CSPP1: variants seen among roughly 807,000 people sequenced by gnomAD.
CSPP1 encodes the protein centrosome and spindle pole-associated protein 1.
A neutral mutation model predicts 164.4 loss-of-function variants in CSPP1; 126 were observed. The ratio of observed to expected loss-of-function variants is 0.77; its 90% CI spans 0.66 to 0.89. The LOEUF is 0.89. Ranked by LOEUF, CSPP1 falls within the 40% of genes least tolerant of loss-of-function variation. The pLI is 0.00. For missense variants in CSPP1, 1,395 were observed against 1,449.8 expected (o/e 0.96, Z 0.61); for synonymous variants, 472 against 476.7 (o/e 0.99, Z 0.13).
At chr8:67,069,327 C>T (rs1806232186) in intron 1 of CSPP1, 1 of 151,942 alleles carries the variant, frequency 6.6e-6, no homozygotes, top group Non-Finnish European at 1.5e-5. Context: ...ACTTATATCT[C>T]GGATAAATCT....
chr8:67,129,516 T>C (rs1270660884), intron 15 of CSPP1, among the ~76,000 whole-genome samples: 1 of 152,096 alleles, frequency 6.6e-6, no homozygotes, highest in Non-Finnish European at 1.5e-5. Flanking sequence ...AAGCATGTAA[T>C]CAAAAGAAAT....
chr8:67,175,695 A>G, intron 26 of CSPP1: 3 of 572,352 alleles, frequency 5.2e-6, no homozygotes, highest in South Asian at 3.3e-5. Flanking sequence ...TACTTTGACC[A>G]GGCCAGGTGA....
In CSPP1 at chr8:67,113,907, G is replaced by A. The variant is rs746440766; in HGVS notation, c.1245+45G>A. 32 of 1,210,932 alleles carry A rather than the reference G, an allele frequency of 2.6e-5. No homozygotes were observed. The East Asian group carries it at 7.6e-4, about 29-fold the overall frequency. 75.0% of individuals were successfully genotyped at this position (1,210,932 alleles called of 1,614,324 possible). On this transcript the variant is annotated intron_variant, in intron 11 of 30. Transcript: ENST00000678616. ...TTTAATGTTTAATCTTTCATCAAAT[G>A]ATCCTCAAATGTGGTGGCAGGTGGG...
intron 28 of CSPP1, among the ~76,000 whole-genome samples, chr8:67,181,238 A>C (rs10105172): frequency 6.8e-6 from 1 of 148,098 alleles, no homozygotes; most frequent in African/African-American, 2.5e-5. Context: ...AGGTCTCCCT[A>C]TGTTGCCCAG....
At chr8:67,128,043 G>T (rs1212332215) in intron 15 of CSPP1, among the ~76,000 whole-genome samples, 1 of 152,106 alleles carries the variant, frequency 6.6e-6, no homozygotes, top group Non-Finnish European at 1.5e-5. Flanking sequence ...TGAGAGGATG[G>T]TAAAGATTTT....
chr8:67,144,865 G>A (rs140212648), intron 17 of CSPP1, among the ~76,000 whole-genome samples: 2,848 of 151,054 alleles, frequency 0.019, 48 homozygotes, highest in African/African-American at 0.046. Flanking sequence ...TCAAGAGATC[G>A]AGACCATTTT....
chr8:67,089,123 T>C (rs1811093339), intron 4 of CSPP1, among the ~76,000 whole-genome samples: 1 of 152,080 alleles, frequency 6.6e-6, no homozygotes, highest in South Asian at 2.1e-4. Flanking sequence ...TTGGATTGCA[T>C]GGATATTTGA....
chr8:67,082,524 TG>T lies in CSPP1; in HGVS notation c.200-3482del, dbSNP rs1809425550. Among the ~76,000 whole-genome samples the T allele has an allele frequency of 2.0e-5, 3 of 152,206 alleles. No individual in the cohort carries two copies. In the South Asian group the frequency reaches 6.2e-4, roughly 31 times the overall value. On this transcript the variant is annotated intron_variant, in intron 3 of 30. Transcript: ENST00000678616. Reference sequence around the variant, plus strand: ...GTCTCCTCAATTAGTCACATCTCCTTGTAAGTCACCCATTGTGTAAAGGCCT... The same window carrying T: ...GTCTCCTCAATTAGTCACATCTCCTTTAAGTCACCCATTGTGTAAAGGCCT...
At chr8:67,160,038 T>TTTTCTTTTCTTTC (rs1828003637) in intron 21 of CSPP1, among the ~76,000 whole-genome samples, 2 of 96,798 alleles carry the variant, frequency 2.1e-5, no homozygotes, top group African/African-American at 1.4e-4. Flanking sequence ...TTTCTTTTTC[T>TTTTCTTTTCTTTC]TTTTCTTTTT....
intron 7 of CSPP1, among the ~76,000 whole-genome samples, chr8:67,096,116 C>A (rs1812699220): frequency 6.6e-6 from 1 of 152,208 alleles, no homozygotes; most frequent in African/African-American, 2.4e-5. Flanking sequence ...AGTAATGATT[C>A]AAGTTCACAG....
chr8:67,093,074 A>C (rs1402193110), intron 5 of CSPP1, among the ~76,000 whole-genome samples: 1 of 152,100 alleles, frequency 6.6e-6, no homozygotes, highest in African/African-American at 2.4e-5. Context: ...CACAATCATC[A>C]TATTTACTAG....
Position 67,179,876 on chromosome 8 carries a change from C to A in CSPP1, c.3170C>A (p.Thr1057Asn). The change falls in exon 28 of 31, where the codon ACT becomes AAT. Residue 1057 changes from threonine to asparagine, a missense_variant. Physicochemically the swap from Thr to Asn is moderately conservative, Grantham distance 65. Transcript: ENST00000678616. ...TGTTTCTTTTAGCCCAGAGATGACA[C>A]TAGTGATTTCTTGAAAAACTCATTA... is the stretch of plus-strand genomic sequence containing the variant. Reference protein sequence around the residue: ...VREQRMPRDDTSDFLKNSLLE... With the variant: ...VREQRMPRDDNSDFLKNSLLE... 2 of 1,594,720 alleles carry A rather than the reference C, an allele frequency of 1.3e-6. No homozygotes were observed. Among genetic ancestry groups the A allele is most frequent in the Non-Finnish European group, 1.7e-6 (2 of 1,163,522 alleles).
intron 25 of CSPP1, chr8:67,172,986 A>G (rs1366143675): frequency 6.5e-6 from 1 of 153,490 alleles, no homozygotes; most frequent in African/African-American, 2.4e-5. Context: ...GAATACCGGA[A>G]AATGTCAGTT....
intron 6 of CSPP1, among the ~76,000 whole-genome samples, chr8:67,094,794 C>CT (rs1812391580): frequency 6.6e-6 from 1 of 152,162 alleles, no homozygotes; most frequent in Non-Finnish European, 1.5e-5. Context: ...CAAAGTGGTT[C>CT]TGGGACCCTT....
At chr8:67,167,735 G>T (rs1170927969) in intron 24 of CSPP1, among the ~76,000 whole-genome samples, 1 of 151,242 alleles carries the variant, frequency 6.6e-6, no homozygotes, top group South Asian at 2.1e-4. Flanking sequence ...CATCTCAGAC[G>T]ATGGGCAGCC....
chr8:67,110,656 A>G (rs1816666547), intron 9 of CSPP1, among the ~76,000 whole-genome samples: 1 of 151,978 alleles, frequency 6.6e-6, no homozygotes, highest in South Asian at 2.1e-4. Flanking sequence ...TTTGCTCTTT[A>G]TCTACTCAAT....
At chr8:67,153,695 T>G (rs1826132707) in intron 18 of CSPP1, among the ~76,000 whole-genome samples, 1 of 152,126 alleles carries the variant, frequency 6.6e-6, no homozygotes, top group East Asian at 1.9e-4. Context: ...AGAATGTAAA[T>G]ATGTCCTTTT....
chr8:67,111,496 A>T (rs2129549531), intron 9 of CSPP1, among the ~76,000 whole-genome samples: 1 of 152,244 alleles, frequency 6.6e-6, no homozygotes, highest in South Asian at 2.1e-4. Context: ...AATAGAAAGG[A>T]GGGGGCCTCA....
At chr8:67,065,291 G>C (rs2129538648) in intron 1 of CSPP1, among the ~76,000 whole-genome samples, 1 of 152,228 alleles carries the variant, frequency 6.6e-6, no homozygotes, top group Non-Finnish European at 1.5e-5. Context: ...CCAGTTGTCA[G>C]TACATGTTAT....
Sources: gnomAD v4.1 joint callset for allele counts (sites outside exome capture counted in the v4.1 genomes callset) on GRCh38, gnomAD v4.1.1 for gene constraint, MANE v1.5 for transcripts, NCBI Gene and HGNC (gene_info 2026-07-23, HGNC 2026-07-21) for gene names.